Variants in KLHL13 observed in about 807,000 individuals in gnomAD.
KLHL13 encodes the protein kelch-like protein 13.
Under a neutral mutation model 37.1 loss-of-function variants are expected in KLHL13, and 10 were observed. The ratio of observed to expected loss-of-function variants is 0.27; its 90% confidence interval spans 0.17 to 0.46. KLHL13 has a LOEUF of 0.46. Ranked by LOEUF, KLHL13 falls within the 20% of genes least tolerant of loss-of-function variation. The probability of loss-of-function intolerance (pLI) is 1.00; values close to 1 mark genes in which losing one functional copy is unlikely to be tolerated. For missense variants in KLHL13, 360 were observed against 509.3 expected (o/e 0.71, Z 2.82); for synonymous variants, 163 against 181.2 (o/e 0.90, Z 0.81).
intron 1 of KLHL13, among the ~76,000 whole-genome samples, chrX:118,036,516 A>G (rs531702614): frequency 1.2e-4 from 13 of 111,680 alleles, no homozygotes; most frequent in Admixed American, 2.9e-4. Context: ...TTAATAAATG[A>G]TGCTGGGAAA....
chrX:117,919,541 T>C, exon 4 of KLHL13: 1 of 1,208,681 alleles, frequency 8.3e-7, no homozygotes, highest in Non-Finnish European at 1.1e-6. Context: ...AGAAACACTT[T>C]ACAGAAGTCC....
At chrX:117,927,115 G>A (rs1238662607) in intron 2 of KLHL13, among the ~76,000 whole-genome samples, 1 of 108,610 alleles carries the variant, frequency 9.2e-6, no homozygotes, top group Non-Finnish European at 1.9e-5. Context: ...TGTTAGCCAG[G>A]ATGGTCTTGA....
chrX:117,944,203 C>T (rs1204493666), intron 2 of KLHL13, among the ~76,000 whole-genome samples: 1 of 110,377 alleles, frequency 9.1e-6, no homozygotes, highest in Non-Finnish European at 1.9e-5. Context: ...TTGATCTTGC[C>T]GGGAGCTGCA....
chrX:117,923,154 C>T (rs1931817008), intron 2 of KLHL13, among the ~76,000 whole-genome samples: 1 of 111,932 alleles, frequency 8.9e-6, no homozygotes, highest in Non-Finnish European at 1.9e-5. Flanking sequence ...CAGTTATAAG[C>T]AATGCCGCAA....
intron 1 of KLHL13, among the ~76,000 whole-genome samples, chrX:118,080,440 A>T (rs777953685): frequency 9.0e-6 from 1 of 111,400 alleles, no homozygotes; most frequent in South Asian, 3.8e-4. Context: ...CAACCCCATT[A>T]AAAAAACGGG....
At chrX:118,081,400 T>C (rs1392033059) in intron 1 of KLHL13, among the ~76,000 whole-genome samples, 1 of 111,525 alleles carries the variant, frequency 9.0e-6, no homozygotes, top group Non-Finnish European at 1.9e-5. Flanking sequence ...CTTGTCAATA[T>C]CTATAAAAAA....
intron 1 of KLHL13, among the ~76,000 whole-genome samples, chrX:118,108,690 A>C (rs1003602704): frequency 2.7e-5 from 3 of 112,912 alleles, no homozygotes; most frequent in African/African-American, 9.7e-5. Context: ...AGTGAACTTC[A>C]AATCAGTGAG....
chrX:117,940,404 A>G (rs1301370893), intron 2 of KLHL13, among the ~76,000 whole-genome samples: 1 of 111,919 alleles, frequency 8.9e-6, no homozygotes, highest in Non-Finnish European at 1.9e-5. Context: ...CTTTTTGCTT[A>G]GGATTGTCTT....
intron 1 of KLHL13, among the ~76,000 whole-genome samples, chrX:117,971,103 C>A (rs73595676): frequency 0.027 from 2,981 of 111,343 alleles, 96 homozygotes; most frequent in African/African-American, 0.091. Flanking sequence ...TGTATCTGAG[C>A]TTGTGGCTGG....
intron 1 of KLHL13, among the ~76,000 whole-genome samples, chrX:118,006,383 AG>A (rs1161720425): frequency 9.0e-6 from 1 of 111,259 alleles, no homozygotes; most frequent in Non-Finnish European, 1.9e-5. Flanking sequence ...AAAAAAAAAA[AG>A]AAAAACCAAA....
At chrX:118,017,031 T>G (rs2054134902) in intron 1 of KLHL13, among the ~76,000 whole-genome samples, 1 of 111,124 alleles carries the variant, frequency 9.0e-6, no homozygotes, top group Non-Finnish European at 1.9e-5. Context: ...GACTGATCAC[T>G]GGTCTCCTAA....
chrX:117,934,856 T>C (rs968264168), intron 2 of KLHL13, among the ~76,000 whole-genome samples: 8 of 109,148 alleles, frequency 7.3e-5, no homozygotes, highest in African/African-American at 2.0e-4. Flanking sequence ...CAGAATCACA[T>C]ACAAATGGCC....
intron 1 of KLHL13, among the ~76,000 whole-genome samples, chrX:117,971,620 C>T (rs1393133516): frequency 9.0e-6 from 1 of 111,020 alleles, no homozygotes; most frequent in East Asian, 2.8e-4. Context: ...TCTGAAATGG[C>T]CTCATTTTTC....
At chrX:117,930,978 G>A (rs1569418837) in intron 2 of KLHL13, among the ~76,000 whole-genome samples, 1 of 111,405 alleles carries the variant, frequency 9.0e-6, no homozygotes, top group African/African-American at 3.3e-5. Flanking sequence ...TCATAATGTT[G>A]AGAAAAAAGG....
At chrX:118,034,906 G>T (rs1441607270) in intron 1 of KLHL13, among the ~76,000 whole-genome samples, 1 of 86,035 alleles carries the variant, frequency 1.2e-5, no homozygotes, top group East Asian at 3.3e-4. Flanking sequence ...ATGTTAAAGG[G>T]GATATCACCA....
At chrX:118,010,691 G>A (rs2054055731) in intron 1 of KLHL13, among the ~76,000 whole-genome samples, 1 of 100,407 alleles carries the variant, frequency 1.0e-5, no homozygotes, top group Non-Finnish European at 2.0e-5. Context: ...GTATACATAT[G>A]TAACTAACCT....
intron 1 of KLHL13, among the ~76,000 whole-genome samples, chrX:118,067,813 C>T (rs181794163): frequency 9.0e-6 from 1 of 110,597 alleles, no homozygotes; most frequent in Non-Finnish European, 1.9e-5. Context: ...GAATACCTTC[C>T]GAAGGACCTG....
At chrX:118,073,297 G>T (rs1022787666) in intron 1 of KLHL13, among the ~76,000 whole-genome samples, 2 of 111,242 alleles carry the variant, frequency 1.8e-5, no homozygotes, top group African/African-American at 6.5e-5. Context: ...GGAGGAGGAA[G>T]TCACATCATA....
chrX:118,038,788 T>A (rs2148052838), intron 1 of KLHL13, among the ~76,000 whole-genome samples: 1 of 111,536 alleles, frequency 9.0e-6, no homozygotes, highest in South Asian at 3.8e-4. Context: ...CCAGTGGATG[T>A]GGGGTGCACA....
Sources: allele counts gnomAD v4.1 joint callset (sites outside exome capture counted in the v4.1 genomes callset), GRCh38; gene constraint gnomAD v4.1.1; transcripts MANE v1.5; gene names NCBI Gene and HGNC (gene_info 2026-07-23, HGNC 2026-07-21).